Variants in INTS7 observed in about 807,000 individuals in gnomAD.
INTS7 encodes integrator complex subunit 7.
A neutral mutation model predicts 109.2 loss-of-function variants in INTS7; 46 were observed. The ratio of observed to expected loss-of-function variants is 0.42; its 90% CI spans 0.33 to 0.54. INTS7 has a LOEUF of 0.54. Among genes scored for constraint, INTS7 ranks in the 20% least tolerant of loss-of-function variants. The pLI, the probability that INTS7 is intolerant of heterozygous loss-of-function variation, is 0.07. For missense variants in INTS7, 929 were observed against 1,132.4 expected (o/e 0.82, Z 2.58); for synonymous variants, 412 against 402.9 (o/e 1.02, Z -0.27).
At chr1:211,988,879 T>C (rs577456835) in intron 7 of INTS7, among the ~76,000 whole-genome samples, 2 of 152,304 alleles carry the variant, frequency 1.3e-5, no homozygotes, top group South Asian at 4.1e-4. Context: ...ACCAGGTAGT[T>C]TGAAGTATTA....
chr1:212,034,436 C>A lies in INTS7; in HGVS notation c.94+908G>T, dbSNP rs775369076. Among the ~76,000 whole-genome samples the A allele has an allele frequency of 3.3e-5, 5 of 152,276 alleles. No individual in the cohort carries two copies. The East Asian group carries it at 9.6e-4, about 29-fold the overall frequency. On this transcript the variant is annotated intron_variant, in intron 1 of 19. Transcript: ENST00000366994. ...GGCTCAAACCCTTCTGAGTTCTAGT[C>A]CAGTTCTCCAACATTATATATTGGC...
chr1:211,951,364 A>G (rs1663078313), intron 17 of INTS7, among the ~76,000 whole-genome samples: 1 of 152,020 alleles, frequency 6.6e-6, no homozygotes, highest in Non-Finnish European at 1.5e-5. Flanking sequence ...GCTGGAGTGC[A>G]GTGGCGCTAT....
chr1:212,018,695 C>T (rs115099970), intron 3 of INTS7, among the ~76,000 whole-genome samples: 3,971 of 152,012 alleles, frequency 0.026, 58 homozygotes, highest in African/African-American at 0.046. Context: ...AATGAGTTAA[C>T]AAAATGGATA....
chr1:211,957,153 T>G (rs993902269), intron 16 of INTS7, among the ~76,000 whole-genome samples: 1 of 152,196 alleles, frequency 6.6e-6, no homozygotes, highest in African/African-American at 2.4e-5. Flanking sequence ...GATTTTAATT[T>G]CTCTAGTGAT....
intron 7 of INTS7, among the ~76,000 whole-genome samples, chr1:211,995,499 T>C (rs1665341386): frequency 6.6e-6 from 1 of 152,048 alleles, no homozygotes; most frequent in African/African-American, 2.4e-5. Flanking sequence ...AGACAAAAGA[T>C]ACATGCAAAG....
At chr1:212,027,914 C>T (rs1571921114) in intron 1 of INTS7, among the ~76,000 whole-genome samples, 2 of 152,002 alleles carry the variant, frequency 1.3e-5, no homozygotes, top group South Asian at 4.2e-4. Context: ...GCAACCTCCG[C>T]CCCCCGGGTT....
At chr1:212,011,844 A>G (rs1469128175) in intron 4 of INTS7, among the ~76,000 whole-genome samples, 2 of 152,220 alleles carry the variant, frequency 1.3e-5, no homozygotes, top group Admixed American at 1.3e-4. Flanking sequence ...AACAACTTAG[A>G]ATTTAAAAAT....
intron 1 of INTS7, among the ~76,000 whole-genome samples, chr1:212,034,613 G>C (rs558364264): frequency 6.6e-6 from 1 of 152,314 alleles, no homozygotes; most frequent in African/African-American, 2.4e-5. Flanking sequence ...TCTAAGAAGG[G>C]AGGTATATCT....
At chr1:211,952,126 C>G (rs1356235272) in intron 17 of INTS7, among the ~76,000 whole-genome samples, 1 of 152,198 alleles carries the variant, frequency 6.6e-6, no homozygotes, top group Admixed American at 6.5e-5. Context: ...GGCAGCATGA[C>G]AGAATCACCT....
At chr1:212,006,958 G>A (rs1665948205) in intron 6 of INTS7, among the ~76,000 whole-genome samples, 197 bp from the exon 7 acceptor site, 3 of 150,770 alleles carry the variant, frequency 2.0e-5, no homozygotes, top group African/African-American at 7.3e-5. Context: ...TAAAGTTTTA[G>A]CACAGGCCCT....
intron 7 of INTS7, among the ~76,000 whole-genome samples, chr1:211,989,658 C>T (rs997289040): frequency 1.3e-5 from 2 of 151,766 alleles, no homozygotes; most frequent in African/African-American, 2.4e-5. Context: ...CCTGTCTCTA[C>T]TAAAAACACA....
intron 8 of INTS7, among the ~76,000 whole-genome samples, chr1:211,983,110 C>G (rs1362187579): frequency 1.3e-5 from 2 of 152,138 alleles, no homozygotes; most frequent in East Asian, 1.9e-4. Context: ...CCTAAGAGTT[C>G]AAATGAATTC....
intron 7 of INTS7, among the ~76,000 whole-genome samples, chr1:212,005,096 A>G (rs1158640075): frequency 1.3e-5 from 2 of 152,220 alleles, no homozygotes; most frequent in Admixed American, 1.3e-4. Context: ...AATGTTCTGC[A>G]CTGTTTGCAA....
intron 19 of INTS7, among the ~76,000 whole-genome samples, chr1:211,943,328 A>C (rs949280151): frequency 2.6e-5 from 4 of 151,738 alleles, no homozygotes; most frequent in Non-Finnish European, 5.9e-5. Context: ...GCAGAAGACC[A>C]TAGCTTCTAG....
At chr1:211,966,551 T>C in intron 15 of INTS7, 53 bp from the exon 16 acceptor site, 1 of 1,065,456 alleles carries the variant, frequency 9.4e-7, no homozygotes, top group Non-Finnish European at 1.4e-6. Flanking sequence ...CCGCTATAGG[T>C]TTCTATTACT....
chr1:211,981,029 T>G, intron 10 of INTS7, 64 bp downstream of exon 10: 1 of 924,138 alleles, frequency 1.1e-6, no homozygotes, highest in Non-Finnish European at 1.7e-6. Flanking sequence ...CTGCTTAACT[T>G]TGCTTTCTAT....
chr1:212,009,536 C>A (rs1384713849), intron 5 of INTS7, among the ~76,000 whole-genome samples: 1 of 152,210 alleles, frequency 6.6e-6, no homozygotes, highest in Non-Finnish European at 1.5e-5. Context: ...AGGTTAGCTT[C>A]TCAAAGTGGT....
At chr1:211,995,134 A>G (rs1171303407) in intron 7 of INTS7, among the ~76,000 whole-genome samples, 1 of 152,178 alleles carries the variant, frequency 6.6e-6, no homozygotes, top group Non-Finnish European at 1.5e-5. Flanking sequence ...CTTAATGTTA[A>G]TAATTATGCC....
intron 1 of INTS7, among the ~76,000 whole-genome samples, chr1:212,025,336 G>A (rs1666872458): frequency 6.6e-6 from 1 of 152,050 alleles, no homozygotes; most frequent in Non-Finnish European, 1.5e-5. Context: ...TAGAGAGAGG[G>A]AACTGACTGC....
Sources: allele counts gnomAD v4.1 joint callset (sites outside exome capture counted in the v4.1 genomes callset), GRCh38; gene constraint gnomAD v4.1.1; transcripts MANE v1.5; gene names NCBI Gene and HGNC (gene_info 2026-07-23, HGNC 2026-07-21).